The following MAP3K14 variants were observed in gnomAD, a reference collection of about 807,000 sequenced individuals.
MAP3K14 encodes mitogen-activated protein kinase kinase kinase 14, also known as NF-kappa-beta-inducing kinase.
MAP3K14 carries 16 observed loss-of-function variants against 99.2 expected under a neutral mutation model. That is an observed-to-expected ratio of 0.16 (90% CI 0.11 to 0.24). MAP3K14 has a LOEUF of 0.24. Among genes scored for constraint, MAP3K14 ranks in the 10% least tolerant of loss-of-function variants. MAP3K14 has a pLI of 1.00. For missense variants in MAP3K14, 784 were observed against 1,208.7 expected, an observed-to-expected ratio of 0.65 and a Z score of 5.21; for synonymous variants, 462 against 492.4, an observed-to-expected ratio of 0.94 and a Z score of 0.82.
rs781157704 is a variant in MAP3K14 at position 45,271,221 on chromosome 17, C to T, written c.1658G>A (p.Gly553Glu). Residue 553 changes from glycine to glutamate, a missense_variant and splice_region_variant, in exon 10 of 16, where the codon GGG becomes GAG. Transcript: ENST00000344686. ...PDGLGKSLLT[G>E]DYIPGTETHM... ...GGTCTCTGTGCCAGGGATGTAGTCCCCTGAGAAGGGGGATGAGACATAAAG... is the reference window on the plus strand; with the variant it reads ...GGTCTCTGTGCCAGGGATGTAGTCCTCTGAGAAGGGGGATGAGACATAAAG... 1.2e-6 allele frequency: 2 copies of T among 1,602,844 alleles called. No homozygotes were observed. The highest frequency in any genetic ancestry group is 1.7e-6 in the Non-Finnish European group (2 of 1,176,770).
rs2044270176 is a variant in MAP3K14 at position 45,286,851 on chromosome 17, G to A, written c.732C>T (p.His244=). The change falls in exon 5 of 16, where the codon CAC becomes CAT. Residue 244 remains histidine, a synonymous_variant. Coordinates refer to ENST00000344686, the MANE Select transcript of MAP3K14 (RefSeq NM_003954.5). The surrounding 1 kb of genome is among the most constrained non-coding windows in gnomAD (Gnocchi z 4.1). The stretch of plus-strand genomic sequence containing the variant: ...GGGGCAGGGGGCCTCCGTCCTGGGG[G>A]TGGTGCAGTTTCCACACGTGGTTCA... ...QCLNHVWKLH[H]PQDGGPLPLP... 1 of 1,613,990 alleles carries A rather than the reference G, an allele frequency of 6.2e-7. No individual in the cohort carries two copies. The highest frequency in any genetic ancestry group is 8.5e-7 in the Non-Finnish European group (1 of 1,179,890).
rs745997841 is a variant in MAP3K14, at chr17:45,287,264, G to A, written c.427C>T (p.Arg143Trp). Residue 143 changes from arginine to tryptophan, a missense_variant, in exon 4 of 16, where the codon CGG becomes TGG. Coordinates refer to ENST00000344686, the MANE Select transcript of MAP3K14 (RefSeq NM_003954.5). ...GAGCTCTTCTTCTTCCGTTTCTTCC[G>A]GGCTTTGCTGCGACGCTTTCCCTTC... ...CWKGKRRSKA[R>W]KKRKKKSSKS... 10 of 1,613,984 alleles carry A rather than the reference G, an allele frequency of 6.2e-6. No homozygotes were observed. The highest frequency in any genetic ancestry group is 2.2e-5 in the South Asian group (2 of 91,076).
At chr17:45,302,712 T>C (rs1348609347) in intron 1 of MAP3K14, among the ~76,000 whole-genome samples, 1 of 152,214 alleles carries the variant, frequency 6.6e-6, no homozygotes, top group African/African-American at 2.4e-5. Flanking sequence ...GCTTTATAAA[T>C]ATGTGATGAG....
intron 1 of MAP3K14, among the ~76,000 whole-genome samples, chr17:45,300,642 C>T (rs2044380121): frequency 6.6e-6 from 1 of 152,156 alleles, no homozygotes; most frequent in African/African-American, 2.4e-5. Context: ...CACTGTACAA[C>T]GGCCTCCTTT....
rs1391548451 is a variant in MAP3K14, at chr17:45,272,897, G to A, written c.1657+606C>T. Among the ~76,000 whole-genome samples the A allele has an allele frequency of 2.6e-5, 4 of 152,124 alleles. No individual in the cohort carries two copies. Among genetic ancestry groups the A allele is most frequent in the Admixed American group, 2.0e-4 (3 of 15,280 alleles). ...GGAGGTTGCAGTGAGCTGAGATTGT[G>A]CCACTGCACTCCAGCCTGGGTGACA... On this transcript the variant is annotated intron_variant, in intron 9 of 15. Transcript: ENST00000344686. The surrounding 1 kb of genome is among the most constrained non-coding windows in gnomAD (Gnocchi z 4.1).
At chr17:45,304,010 CT>C (rs1026894731) in intron 1 of MAP3K14, among the ~76,000 whole-genome samples, 12,147 of 127,626 alleles carry the variant, frequency 0.095, 131 homozygotes, top group Non-Finnish European at 0.14. Context: ...CTTTTCTTTT[CT>C]TTTTTTTTTT....
intron 14 of MAP3K14, 143 bp from the exon 15 acceptor site, chr17:45,265,406 C>T (rs1313463412): frequency 1.6e-6 from 1 of 633,826 alleles, no homozygotes; most frequent in Non-Finnish European, 2.8e-6. Flanking sequence ...GATGGAGCAG[C>T]AGAGATAAAA....
rs2044263911 is a variant in MAP3K14, at chr17:45,286,350, A to T, written c.1152+81T>A. The T allele has an allele frequency of 1.4e-6, 2 of 1,440,726 alleles. No homozygotes were observed. Among genetic ancestry groups the T allele is most frequent in the Admixed American group, 5.4e-5 (2 of 37,242 alleles). 89.2% of individuals were successfully genotyped at this position (1,440,726 alleles called of 1,614,324 possible). A position where few individuals can be genotyped will look rare whatever the true frequency, so the allele number is the denominator to read the frequency against. The stretch of plus-strand genomic sequence containing the variant: ...ACTGTTTGATTTGTCACCACAGGCA[A>T]GAGTGACTCTGATAAAGAGAGAAAA... On this transcript the variant is annotated intron_variant, in intron 5 of 15. Coordinates refer to ENST00000344686, the MANE Select transcript of MAP3K14 (RefSeq NM_003954.5). This position sits in a 1 kb window ranked among gnomAD's most constrained non-coding sequence, Gnocchi z 4.1.
chr17:45,292,425 G>A (rs2044317950), intron 1 of MAP3K14, among the ~76,000 whole-genome samples: 1 of 152,070 alleles, frequency 6.6e-6, no homozygotes, highest in South Asian at 2.1e-4. Flanking sequence ...AAATTAGCTG[G>A]GGTAGCTGGC....
rs2044266251 is a variant in MAP3K14, at chr17:45,286,537, T to C, written c.1046A>G (p.Gln349Arg). The change falls in exon 5 of 16, where the codon CAG becomes CGG. Residue 349 changes from glutamine (Q) to arginine (R), a missense_variant. Gln to Arg is a conservative substitution (Grantham distance 43). Transcript: ENST00000344686. The surrounding 1 kb of genome is among the most constrained non-coding windows in gnomAD (Gnocchi z 4.1). Reference sequence around the variant, plus strand: ...GGCCAGGCTGGTCAGGCTGTGGGCCTGGCCTGAGCTCACGCTGCCTTGCAG... The same window carrying C: ...GGCCAGGCTGGTCAGGCTGTGGGCCCGGCCTGAGCTCACGCTGCCTTGCAG... ...HALQGSVSSG[Q>R]AHSLTSLAKT... is the part of the protein sequence containing the mutation. 1 of 1,609,618 alleles carries C rather than the reference T, an allele frequency of 6.2e-7. No homozygotes were observed. Among genetic ancestry groups the C allele is most frequent in the Admixed American group, 1.7e-5 (1 of 59,260 alleles).
chr17:45,279,071 G>A (rs1313053031), intron 6 of MAP3K14, among the ~76,000 whole-genome samples: 2 of 152,172 alleles, frequency 1.3e-5, no homozygotes, highest in Non-Finnish European at 2.9e-5. Context: ...CCCCTCAATT[G>A]CCTGCACACT....
chr17:45,277,871 A>G (rs2044191995), intron 6 of MAP3K14, among the ~76,000 whole-genome samples: 1 of 152,236 alleles, frequency 6.6e-6, no homozygotes, highest in Non-Finnish European at 1.5e-5. Flanking sequence ...AAGTACTTCA[A>G]GGAGAAAATG....
chr17:45,267,937 T>TC lies in MAP3K14; in HGVS notation c.1973-179dup. On this transcript the variant is annotated intron_variant, in intron 11 of 15. Coordinates refer to ENST00000344686, the MANE Select transcript of MAP3K14 (RefSeq NM_003954.5). The surrounding 1 kb of genome is among the most constrained non-coding windows in gnomAD (Gnocchi z 5.1). ...AGCATGGTGGTCTCCACAGGAGACTTCCTCAATAAAATGGTCCCAATATGA... is the reference window on the plus strand; with the variant it reads ...AGCATGGTGGTCTCCACAGGAGACTTCCCTCAATAAAATGGTCCCAATATGA... 1.1e-5 allele frequency: 6 copies of TC among 564,838 alleles called. No individual in the cohort carries two copies. 35.0% of individuals were successfully genotyped at this position (564,838 alleles called of 1,614,324 possible).
chr17:45,303,425 G>C (rs1005828808), intron 1 of MAP3K14, among the ~76,000 whole-genome samples: 1 of 152,156 alleles, frequency 6.6e-6, no homozygotes, highest in African/African-American at 2.4e-5. Flanking sequence ...GCTGGGTGTG[G>C]TGGTGGGCAC....
chr17:45,314,901 T>G (rs2044517306), intron 1 of MAP3K14, among the ~76,000 whole-genome samples: 1 of 152,062 alleles, frequency 6.6e-6, no homozygotes, highest in Non-Finnish European at 1.5e-5. Context: ...GATACAACAC[T>G]GTTCAGAGGG....
At chr17:45,309,026 G>A (rs1215191492) in intron 1 of MAP3K14, among the ~76,000 whole-genome samples, 1 of 152,038 alleles carries the variant, frequency 6.6e-6, no homozygotes, top group East Asian at 1.9e-4. Flanking sequence ...TGTTGTCCAG[G>A]CTGGTCTCCA....
intron 1 of MAP3K14, among the ~76,000 whole-genome samples, chr17:45,292,821 G>A (rs931897357): frequency 3.9e-5 from 6 of 152,170 alleles, no homozygotes; most frequent in South Asian, 2.1e-4. Flanking sequence ...CAGGGAGCTC[G>A]ATGTGAGCGT....
Position 45,286,613 on chromosome 17 carries a change from A to G in MAP3K14, c.970T>C (p.Ser324Pro). The G allele has an allele frequency of 6.2e-7, 1 of 1,611,376 alleles. No homozygotes were observed. The highest frequency in any genetic ancestry group is 8.5e-7 in the Non-Finnish European group (1 of 1,179,008). ...GAAAACTTCTCATGGGCACCACGAG[A>G]CAGGCAGCTGGGCTCCAGGTGTGGG... ...PGPHLEPSCL[S>P]RGAHEKFSVE... Residue 324 changes from serine to proline, a missense_variant, in exon 5 of 16, where the codon TCT (serine) becomes CCT (proline). Ser to Pro is a moderately conservative substitution (Grantham distance 74). Transcript: ENST00000344686. The surrounding 1 kb of genome is among the most constrained non-coding windows in gnomAD (Gnocchi z 4.1).
In MAP3K14 at chr17:45,273,805, C is replaced by A. The variant is rs17846860; in HGVS notation, c.1553-198G>T. 6 of 675,652 alleles carry A rather than the reference C, an allele frequency of 8.9e-6. No homozygotes were observed. In the East Asian group the frequency reaches 1.6e-4, roughly 18 times the overall value. The allele number at this position is 675,652 out of a possible 1,614,324, so 41.9% of individuals were successfully genotyped here. On this transcript the variant is annotated intron_variant, in intron 8 of 15. Transcript: ENST00000344686. ...TTCAGGCTAGAGGTAGGCAGGATCTCTGAGGGCAAAGGGACAGGAGCAGGG... is the reference window on the plus strand; with the variant it reads ...TTCAGGCTAGAGGTAGGCAGGATCTATGAGGGCAAAGGGACAGGAGCAGGG...
Sources: gnomAD v4.1 joint callset for allele counts (sites outside exome capture counted in the v4.1 genomes callset) on GRCh38, gnomAD v4.1.1 for gene constraint, Gnocchi (gnomAD v3.1) non-coding constraint, MANE v1.5 for transcripts, NCBI Gene and HGNC (gene_info 2026-07-23, HGNC 2026-07-21) for gene names.